Variants in VPS11 observed in about 807,000 individuals in gnomAD.
VPS11 encodes the protein VPS11 core subunit of CORVET and HOPS complexes.
A neutral mutation model predicts 106.8 loss-of-function variants in VPS11; 51 were observed. That is an observed-to-expected ratio of 0.48 (90% CI 0.38 to 0.60). The LOEUF is 0.60. Among genes scored for constraint, VPS11 ranks in the 20% least tolerant of loss-of-function variants. VPS11 has a pLI of 0.00. For synonymous variants in VPS11, 453 were observed against 458.7 expected (o/e 0.99, Z 0.16); for missense variants, 950 against 1,190.0 (o/e 0.80, Z 2.97).
chr11:119,077,745 C>T, intron 9 of VPS11, 98 bp downstream of exon 9: 2 of 1,539,838 alleles, frequency 1.3e-6, no homozygotes, highest in Admixed American at 1.9e-5. Context: ...CCCACCCCAT[C>T]CTCCTGAGTG....
chr11:119,075,303 A>T (rs898894697), intron 7 of VPS11, among the ~76,000 whole-genome samples: 2 of 151,994 alleles, frequency 1.3e-5, no homozygotes, highest in Non-Finnish European at 2.9e-5. Flanking sequence ...GTGCAGTGGC[A>T]TGTGCCTGTG....
At chr11:119,068,957 G>T (rs1191958846) in intron 1 of VPS11, among the ~76,000 whole-genome samples, 2 of 129,430 alleles carry the variant, frequency 1.5e-5, no homozygotes, top group African/African-American at 5.8e-5. Context: ...CACCATGTTG[G>T]CCAGGCTGGT....
Position 119,078,293 on chromosome 11 carries a change from G to A in VPS11, c.1882G>A (p.Glu628Lys). 1 of 1,613,038 alleles carries A rather than the reference G, an allele frequency of 6.2e-7. No homozygotes were observed. Among genetic ancestry groups the A allele is most frequent in the Non-Finnish European group, 8.5e-7 (1 of 1,179,896 alleles). Residue 628 changes from glutamate (E) to lysine (K), a missense_variant, in exon 11 of 16, where the codon GAG (glutamate) becomes AAG (lysine). By Grantham distance (56) the Glu-to-Lys change is moderately conservative. Around this residue, in one of 3 missense-constraint regions of VPS11, gnomAD observed 453 missense variants for 514.6 expected, o/e 0.88. Coordinates refer to ENST00000621676, the MANE Select transcript of VPS11 (RefSeq NM_021729.6). ...CCAGGGGATCTACGACACACTCCTT[G>A]AGCTGCGACTGCAGAACTGGGCCCA... ...SPQGIYDTLL[E>K]LRLQNWAHEK...
At position 119,069,120 on chromosome 11, in the gene VPS11, A is replaced by C. The variant is rs772970549; in HGVS notation, c.188-76A>C. 3.4e-4 allele frequency: 538 copies of C among 1,578,330 alleles called. 1 individual carries two copies. The highest frequency in any genetic ancestry group is 4.8e-4 in the South Asian group (43 of 89,432). ...CCTTGAAAATTTTAGAGTTATATAC[A>C]TGTAATTGTTATCTGAGTTCTGGTC... On this transcript the variant is annotated intron_variant, in intron 1 of 15. Transcript: ENST00000621676.
intron 8 of VPS11, 41 bp downstream of exon 8, chr11:119,077,124 T>C (rs1004690077): frequency 3.1e-6 from 5 of 1,587,572 alleles, no homozygotes; most frequent in Non-Finnish European, 3.4e-6. Flanking sequence ...GAGGCCCCAC[T>C]GAGCATGAGG....
intron 5 of VPS11, 196 bp downstream of exon 5, chr11:119,072,039 T>C: frequency 1.6e-6 from 1 of 631,364 alleles, no homozygotes; most frequent in Admixed American, 3.1e-5. Flanking sequence ...TGATCTCGGC[T>C]CACTGCAGCC....
intron 6 of VPS11, 51 bp from the exon 7 acceptor site, chr11:119,073,749 T>C (rs1460644790): frequency 1.3e-6 from 2 of 1,576,710 alleles, no homozygotes; most frequent in East Asian, 4.5e-5. Context: ...TTTGGGAAAG[T>C]GTCTTCCCAG....
At chr11:119,075,588 A>G (rs1305606879) in intron 7 of VPS11, among the ~76,000 whole-genome samples, 2 of 150,094 alleles carry the variant, frequency 1.3e-5, no homozygotes, top group Non-Finnish European at 3.0e-5. Context: ...GTGGTGGCTC[A>G]CGCCTGTAAT....
chr11:119,081,087 T>C lies in VPS11; in HGVS notation c.2439-5T>C, dbSNP rs782514752. 5 of 1,613,314 alleles carry C rather than the reference T, an allele frequency of 3.1e-6. No individual in the cohort carries two copies. The highest frequency in any genetic ancestry group is 2.2e-5 in the East Asian group (1 of 44,870). Reference sequence around the variant, plus strand: ...CCACTCACTTCTGGTCTTTCTTCCCTGTAGTCCTAAGATTTTCCAAAAGAC... The same window carrying C: ...CCACTCACTTCTGGTCTTTCTTCCCCGTAGTCCTAAGATTTTCCAAAAGAC... On this transcript the variant is annotated splice_polypyrimidine_tract_variant and splice_region_variant and intron_variant, in intron 14 of 15. Transcript: ENST00000621676.
At position 119,078,874 on chromosome 11, in the gene VPS11, C is replaced by T. The variant is rs1349785765; in HGVS notation, c.2143C>T (p.Gln715Ter). ...CAGCGTGTGTGAGCGCCATGGGGAG[C>T]AGGACCCCTCCTTGTGGGAGCAGGC... Reference protein sequence around the residue: ...VISVCERHGEQDPSLWEQALS... With the variant: ...VISVCERHGE The change falls in exon 13 of 16, where the codon CAG (glutamine) becomes TAG (stop). Residue 715 changes from glutamine to a stop codon, truncating the protein, a stop_gained. Transcript: ENST00000621676. LOFTEE classifies it high-confidence loss of function. 6.2e-7 allele frequency: 1 copy of T among 1,614,004 alleles called. No homozygotes were observed. Among genetic ancestry groups the T allele is most frequent in the Non-Finnish European group, 8.5e-7 (1 of 1,179,896 alleles).
chr11:119,077,743 A>G, intron 9 of VPS11, 96 bp downstream of exon 9: 1 of 1,538,534 alleles, frequency 6.5e-7, no homozygotes, highest in Non-Finnish European at 8.8e-7. Context: ...CTCCCACCCC[A>G]TCCTCCTGAG....
rs1676273468 is a variant in VPS11, at chr11:119,067,998, C to T, written c.175C>T (p.Leu59=). Residue 59 remains leucine (L), a synonymous_variant, in exon 1 of 16, where the codon CTG becomes TTG. Transcript: ENST00000621676. ...TGTCTGCGACTCAGGCCGAGGGAGC[C>T]TGGTCTTTGGAGATATCCTTCGTTT... ...ITVCDSGRGS[L]VFGDMEGQIW... is the part of the protein sequence containing the mutation. 1 of 1,609,724 alleles carries T rather than the reference C, an allele frequency of 6.2e-7. No individual in the cohort carries two copies. The highest frequency in any genetic ancestry group is 8.5e-7 in the Non-Finnish European group (1 of 1,177,368).
chr11:119,077,030 C>G lies in VPS11; in HGVS notation c.1372C>G (p.Leu458Val), dbSNP rs1251476542. 3.7e-6 allele frequency: 6 copies of G among 1,613,708 alleles called. No homozygotes were observed. Among genetic ancestry groups the G allele is most frequent in the African/African-American group, 1.3e-5 (1 of 74,936 alleles). The change falls in exon 8 of 16, where the codon CTC becomes GTC. Residue 458 changes from leucine to valine, a missense_variant. Leu to Val is a conservative substitution (Grantham distance 32). Transcript: ENST00000621676. ...LANADHTTLLLNCYTKLKDSS... is the reference protein window; with the variant it reads ...LANADHTTLLVNCYTKLKDSS... The stretch of plus-strand genomic sequence containing the variant: ...CAATGCCGACCATACCACCCTGCTC[C>G]TCAACTGCTATACCAAGCTCAAGGA...
rs181804259 is a variant in VPS11 at position 119,073,820 on chromosome 11, A to G, written c.1107A>G (p.Leu369=). 6.1e-5 allele frequency: 99 copies of G among 1,612,308 alleles called. No individual in the cohort carries two copies. In the Admixed American group the frequency reaches 1.2e-3, roughly 19 times the overall value. Residue 369 remains leucine, a synonymous_variant, in exon 7 of 16, where the codon CTA becomes CTG. Transcript: ENST00000621676. ...TCTAGATGCTGTTTAAGAAGAACCT[A>G]TTTGAGATGGCGATTAACCTTGCCA... is the stretch of plus-strand genomic sequence containing the variant. ...TKLEMLFKKN[L]FEMAINLAKS...
chr11:119,069,573 C>A lies in VPS11; in HGVS notation c.468C>A (p.Ala156=). The A allele has an allele frequency of 1.2e-6, 2 of 1,613,950 alleles. No individual in the cohort carries two copies. The highest frequency in any genetic ancestry group is 1.7e-6 in the Non-Finnish European group (2 of 1,179,894). ...TCCATGAAAATCTCAACTTTATGGC[C>A]ATTGGTAAACAGAAGGCAAAACTAA... The part of the protein sequence containing the change: ...LTVHENLNFM[A]IGFTDGSVTL... Residue 156 remains alanine, a synonymous_variant, in exon 3 of 16, where the codon GCC becomes GCA. Transcript: ENST00000621676.
In VPS11 at chr11:119,081,706, C is replaced by A; in HGVS notation, c.*83C>A. The stretch of plus-strand genomic sequence containing the variant: ...ACCTGGGCGGGCGTTACACAGAAGG[C>A]TGGCTGACATGCCCAGGGCTCCACT... On this transcript the variant is annotated 3_prime_UTR_variant, in exon 16 of 16. Transcript: ENST00000621676. 6.6e-7 allele frequency: 1 copy of A among 1,522,624 alleles called. No individual in the cohort carries two copies. The highest frequency in any genetic ancestry group is 8.9e-7 in the Non-Finnish European group (1 of 1,127,910). 94.3% of individuals were successfully genotyped at this position (1,522,624 alleles called of 1,614,324 possible).
chr11:119,078,965 T>C lies in VPS11; in HGVS notation c.2234T>C (p.Ile745Thr). The change falls in exon 13 of 16, where the codon ATC becomes ACC. Residue 745 changes from isoleucine (I) to threonine (T), a missense_variant. This residue lies in a region of VPS11 where 453 missense variants were observed against 514.6 expected (regional missense o/e 0.88). Coordinates refer to ENST00000621676, the MANE Select transcript of VPS11 (RefSeq NM_021729.6). ...KEYVAAVLKH[I>T]ENKNLMPPLL... ...TATGTGGCAGCTGTCCTCAAGCATA[T>C]CGAGAACAAGAACCTCATGCCACCT... 2 of 1,613,944 alleles carry C rather than the reference T, an allele frequency of 1.2e-6. No homozygotes were observed. Among genetic ancestry groups the C allele is most frequent in the Non-Finnish European group, 1.7e-6 (2 of 1,179,868 alleles).
At chr11:119,079,327 A>C in intron 14 of VPS11, 27 bp downstream of exon 14, 1 of 1,556,408 alleles carries the variant, frequency 6.4e-7, no homozygotes, top group Non-Finnish European at 8.7e-7. Flanking sequence ...TATGTGGAGG[A>C]GTCCAGGGGA....
intron 3 of VPS11, 60 bp downstream of exon 3, chr11:119,069,637 T>C: frequency 6.2e-7 from 1 of 1,609,154 alleles, no homozygotes; most frequent in Non-Finnish European, 8.5e-7. Context: ...CAGAGTTGCT[T>C]CTGCCTCTCA....
Sources: gnomAD v4.1 joint callset for allele counts (sites outside exome capture counted in the v4.1 genomes callset) on GRCh38, gnomAD v4.1.1 for gene constraint, gnomAD v4.1.1 regional missense constraint, MANE v1.5 for transcripts, NCBI Gene and HGNC (gene_info 2026-07-23, HGNC 2026-07-21) for gene names.